The following CNTN3 variants were observed in gnomAD, a reference collection of about 807,000 sequenced individuals.
CNTN3 encodes contactin 3.
A neutral mutation model predicts 119.1 loss-of-function variants in CNTN3; 60 were observed. The ratio of observed to expected loss-of-function variants is 0.50; its 90% CI spans 0.41 to 0.62. CNTN3 has a LOEUF of 0.62. Ranked by LOEUF, CNTN3 falls within the 20% of genes least tolerant of loss-of-function variation. CNTN3 has a pLI of 0.00. For missense variants in CNTN3, 1,101 were observed against 1,242.4 expected (o/e 0.89, Z 1.71); for synonymous variants, 450 against 438.7 (o/e 1.03, Z -0.32).
chr3:74,308,963 T>G (rs1702622512), intron 13 of CNTN3, among the ~76,000 whole-genome samples: 1 of 152,166 alleles, frequency 6.6e-6, no homozygotes, highest in Non-Finnish European at 1.5e-5. Flanking sequence ...CCAAAATAAT[T>G]TAAATGCTCA....
At chr3:74,410,444 C>A (rs1025830821) in intron 5 of CNTN3, among the ~76,000 whole-genome samples, 2 of 152,014 alleles carry the variant, frequency 1.3e-5, no homozygotes, top group African/African-American at 4.8e-5. Context: ...ATGTTTATAC[C>A]AGATGTCAGG....
At chr3:74,546,667 C>T (rs1254682287) in intron 1 of CNTN3, among the ~76,000 whole-genome samples, 1 of 152,150 alleles carries the variant, frequency 6.6e-6, no homozygotes, top group Non-Finnish European at 1.5e-5. Context: ...CTTTGACCTT[C>T]GACCACAGAC....
At chr3:74,299,035 C>T (rs191816384) in intron 17 of CNTN3, among the ~76,000 whole-genome samples, 47 of 152,076 alleles carry the variant, frequency 3.1e-4, no homozygotes, top group African/African-American at 6.5e-4. Flanking sequence ...AGCAAAACTC[C>T]GTCTCTACTA....
Position 74,298,016 on chromosome 3 carries a change from T to C in CNTN3, c.2342A>G (p.Tyr781Cys). 3.1e-6 allele frequency: 5 copies of C among 1,614,128 alleles called. No homozygotes were observed. The South Asian group carries it at 5.5e-5, about 18-fold the overall frequency. Residue 781 changes from tyrosine to cysteine, a missense_variant, in exon 18 of 23, where the codon TAT (tyrosine) becomes TGT (cysteine). Coordinates refer to ENST00000263665, the MANE Select transcript of CNTN3 (RefSeq NM_020872.3). ...AAATGGTCCTTCACCTTTGTTATTATAAACACCCACTTTAACTTCATATGG... is the reference window on the plus strand; with the variant it reads ...AAATGGTCCTTCACCTTTGTTATTACAAACACCCACTTTAACTTCATATGG... ...YSPYEVKVGVYNNKGEGPFSP... is the reference protein window; with the variant it reads ...YSPYEVKVGVCNNKGEGPFSP...
Position 74,361,942 on chromosome 3 carries a change from T to C in CNTN3, c.1312A>G (p.Arg438Gly), listed in dbSNP as rs554423664. ...CCCTTCTTCCAGGAAGAGAGTGCCC[T>C]TGGGGAGGCTCTGGGTTTACAATCC... Reference protein sequence around the residue: ...SLDCKPRASPRALSSWKKGDV... With the variant: ...SLDCKPRASPGALSSWKKGDV... The change falls in exon 11 of 23, where the codon AGG becomes GGG. Residue 438 changes from arginine (R) to glycine (G), a missense_variant. Physicochemically the swap from Arg to Gly is moderately radical, Grantham distance 125. Coordinates refer to ENST00000263665, the MANE Select transcript of CNTN3 (RefSeq NM_020872.3). 1.1e-5 allele frequency: 18 copies of C among 1,613,728 alleles called. No homozygotes were observed. Among genetic ancestry groups the C allele is most frequent in the Admixed American group, 5.0e-5 (3 of 59,982 alleles).
intron 4 of CNTN3, among the ~76,000 whole-genome samples, chr3:74,455,041 T>C (rs1702240713): frequency 6.6e-6 from 1 of 152,132 alleles, no homozygotes; most frequent in African/African-American, 2.4e-5. Flanking sequence ...TTCCTGAATC[T>C]GAATGTTGGC....
chr3:74,536,684 A>T (rs182914147), intron 1 of CNTN3, among the ~76,000 whole-genome samples: 10 of 152,096 alleles, frequency 6.6e-5, no homozygotes, highest in Admixed American at 2.0e-4. Flanking sequence ...GCTTACTTAG[A>T]CCCTCCGATA....
At chr3:74,476,835 G>A (rs939260040) in intron 4 of CNTN3, among the ~76,000 whole-genome samples, 19 of 151,980 alleles carry the variant, frequency 1.3e-4, no homozygotes, top group Admixed American at 6.6e-4. Flanking sequence ...CAGAGATGAC[G>A]GAAGAATTAA....
chr3:74,501,931 T>C (rs1703173510), intron 2 of CNTN3, among the ~76,000 whole-genome samples: 1 of 152,156 alleles, frequency 6.6e-6, no homozygotes, highest in Non-Finnish European at 1.5e-5. Flanking sequence ...ACCAATTCAC[T>C]GAATAGAAAT....
At chr3:74,266,219 G>C (rs1173537480) in intron 22 of CNTN3, among the ~76,000 whole-genome samples, 2 of 151,984 alleles carry the variant, frequency 1.3e-5, no homozygotes, top group Non-Finnish European at 2.9e-5. Flanking sequence ...GTAAAACTCA[G>C]AATAAGGAAA....
At chr3:74,521,705 T>C (rs1703546199) in intron 1 of CNTN3, among the ~76,000 whole-genome samples, 1 of 151,872 alleles carries the variant, frequency 6.6e-6, no homozygotes, top group African/African-American at 2.4e-5. Flanking sequence ...GTATGCTGTG[T>C]AAAACAGATT....
intron 1 of CNTN3, among the ~76,000 whole-genome samples, chr3:74,560,191 C>T (rs1704132579): frequency 6.6e-6 from 1 of 152,162 alleles, no homozygotes; most frequent in South Asian, 2.1e-4. Flanking sequence ...GTATAAGTTC[C>T]TTCCTCATCT....
At chr3:74,350,774 C>G (rs1168205925) in intron 11 of CNTN3, among the ~76,000 whole-genome samples, 1 of 151,822 alleles carries the variant, frequency 6.6e-6, no homozygotes, top group East Asian at 1.9e-4. Context: ...TTGGCAGCCA[C>G]AAGGATGCAG....
intron 1 of CNTN3, among the ~76,000 whole-genome samples, chr3:74,562,679 C>A (rs923146077): frequency 6.6e-6 from 1 of 152,158 alleles, no homozygotes; most frequent in East Asian, 1.9e-4. Context: ...GGCTTCCACA[C>A]TGAACTCATC....
In CNTN3 at chr3:74,428,146, T is replaced by C. The variant is rs1701726236; in HGVS notation, c.359-3206A>G. ...TATGCTGCCAGTCATATAAAAGTTTTGCATATAAAATTATGTATAGCATAT... is the reference window on the plus strand; with the variant it reads ...TATGCTGCCAGTCATATAAAAGTTTCGCATATAAAATTATGTATAGCATAT... On this transcript the variant is annotated intron_variant, in intron 4 of 22. Transcript: ENST00000263665. 2.6e-5 allele frequency among the ~76,000 whole-genome samples: 4 copies of C among 152,320 alleles called. No individual in the cohort carries two copies. In the South Asian group the frequency reaches 6.2e-4, roughly 24 times the overall value.
At chr3:74,507,398 A>G (rs1703281380) in intron 2 of CNTN3, among the ~76,000 whole-genome samples, 2 of 146,660 alleles carry the variant, frequency 1.4e-5, no homozygotes, top group Non-Finnish European at 3.0e-5. Context: ...AGCCTGGGCA[A>G]CAGAGTGAGA....
At chr3:74,429,464 T>A (rs1009813285) in intron 4 of CNTN3, among the ~76,000 whole-genome samples, 2 of 151,934 alleles carry the variant, frequency 1.3e-5, no homozygotes, top group African/African-American at 4.8e-5. Context: ...GACCTAAACT[T>A]TACTCAGTTT....
intron 1 of CNTN3, among the ~76,000 whole-genome samples, chr3:74,606,618 C>T (rs879713805): frequency 6.6e-6 from 1 of 151,616 alleles, no homozygotes; most frequent in Non-Finnish European, 1.5e-5. Context: ...TGAAAAATGA[C>T]AAAAAATGAT....
intron 3 of CNTN3, among the ~76,000 whole-genome samples, chr3:74,488,270 G>A (rs752834072): frequency 6.6e-6 from 1 of 151,678 alleles, no homozygotes; most frequent in Non-Finnish European, 1.5e-5. Context: ...CCGACACCAC[G>A]CCTGGCTAAT....
Sources: gnomAD v4.1 joint callset for allele counts (sites outside exome capture counted in the v4.1 genomes callset) on GRCh38, gnomAD v4.1.1 for gene constraint, MANE v1.5 for transcripts, NCBI Gene and HGNC (gene_info 2026-07-23, HGNC 2026-07-21) for gene names.